FRAS1: variants seen among roughly 807,000 people sequenced by gnomAD.
FRAS1 encodes extracellular matrix organizing protein FRAS1.
In FRAS1, 290 loss-of-function variants were observed where a neutral mutation model predicts 435.2. The observed-to-expected ratio is 0.67, with a 90% CI of 0.61 to 0.73. The LOEUF (loss-of-function observed/expected upper bound fraction) is 0.73, where lower values mean the gene tolerates loss of function less well. Ranked by LOEUF, FRAS1 falls within the 30% of genes least tolerant of loss-of-function variation. FRAS1 has a pLI of 0.00. For missense variants in FRAS1, 4,860 were observed against 5,001.5 expected, an observed-to-expected ratio of 0.97 and a Z score of 0.85; for synonymous variants, 1,800 against 1,851.0, an observed-to-expected ratio of 0.97 and a Z score of 0.71.
At chr4:78,508,597 TA>T in intron 62 of FRAS1, 133 bp from the exon 63 acceptor site, 1 of 883,880 alleles carries the variant, frequency 1.1e-6, no homozygotes, top group Non-Finnish European at 1.7e-6. Context: ...CAAAGAATTA[TA>T]AAAACTTCTC....
chr4:78,375,439 T>G (rs931742273), intron 25 of FRAS1, among the ~76,000 whole-genome samples: 1 of 152,250 alleles, frequency 6.6e-6, no homozygotes, highest in Non-Finnish European at 1.5e-5. Context: ...GAAGCGTACC[T>G]AGAAAGAGTC....
At chr4:78,350,704 T>A in intron 20 of FRAS1, among the ~76,000 whole-genome samples, 1 of 2,354 alleles carries the variant, frequency 4.2e-4, no homozygotes, top group Non-Finnish European at 7.7e-4. Flanking sequence ...TCAAAGCCAC[T>A]CAACTACATG....
intron 2 of FRAS1, among the ~76,000 whole-genome samples, chr4:78,115,118 T>C (rs1394088266): frequency 6.6e-6 from 1 of 151,794 alleles, no homozygotes; most frequent in East Asian, 1.9e-4. Context: ...TCTGTTTATA[T>C]GCTAGATTAC....
Position 78,449,203 on chromosome 4 carries a change from G to A in FRAS1, c.6274+887G>A, listed in dbSNP as rs139711929. 3.4e-3 allele frequency among the ~76,000 whole-genome samples: 525 copies of A among 152,194 alleles called. 1 individual carries two copies. The highest frequency in any genetic ancestry group is 6.2e-3 in the South Asian group (30 of 4,814). On this transcript the variant is annotated intron_variant, in intron 44 of 73. Transcript: ENST00000512123. ...GCATGGGCATCAGCAGGTTTGCATCGGCTCCCTCTGCCATCCCAGTCCCAT... is the reference window on the plus strand; with the variant it reads ...GCATGGGCATCAGCAGGTTTGCATCAGCTCCCTCTGCCATCCCAGTCCCAT...
chr4:78,286,682 TGAG>T (rs1172313731), intron 14 of FRAS1, 143 bp downstream of exon 14: 3 of 748,398 alleles, frequency 4.0e-6, no homozygotes, highest in Middle Eastern at 3.8e-4. Context: ...TCTGATGGGA[TGAG>T]GAGAACAGTG....
intron 35 of FRAS1, 76 bp downstream of exon 35, chr4:78,424,496 A>G (rs1471752): frequency 0.34 from 213,945 of 625,782 alleles, 39,247 homozygotes; most frequent in Admixed American, 0.37. Flanking sequence ...TGTTCCCATC[A>G]TCATTATTTT....
In FRAS1 at chr4:78,117,074, T is replaced by A. The variant is rs567083897; in HGVS notation, c.108+51058T>A. ...TTGTTTGTCTCTAAAGGATTTTATTTCTCCTTCACTTATGAAGCTTAGTTT... is the reference window on the plus strand; with the variant it reads ...TTGTTTGTCTCTAAAGGATTTTATTACTCCTTCACTTATGAAGCTTAGTTT... On this transcript the variant is annotated intron_variant, in intron 2 of 73. Transcript: ENST00000512123. Among the ~76,000 whole-genome samples, 143 of 152,324 alleles carry A rather than the reference T, an allele frequency of 9.4e-4. 2 individuals are homozygous for A. In the Middle Eastern group the frequency reaches 0.01, roughly 11 times the overall value.
chr4:78,479,748 A>G, intron 56 of FRAS1, 30 bp downstream of exon 56: 2 of 1,483,278 alleles, frequency 1.3e-6, no homozygotes, highest in Non-Finnish European at 1.8e-6. Context: ...AGTTTCCTTC[A>G]CCTGTCTCCT....
At chr4:78,364,084 T>G in intron 22 of FRAS1, 30 bp downstream of exon 22, 5 of 1,551,588 alleles carry the variant, frequency 3.2e-6, no homozygotes, top group Non-Finnish European at 4.4e-6. Flanking sequence ...CTTCTCTCCT[T>G]TCCTTCTTTT....
At chr4:78,376,011 A>T in intron 26 of FRAS1, 132 bp downstream of exon 26, 1 of 981,506 alleles carries the variant, frequency 1.0e-6, no homozygotes, top group East Asian at 2.6e-5. Context: ...CCATGGTGCT[A>T]CTAAGGAGTA....
rs1401641451 is a variant in FRAS1 at position 78,544,104 on chromosome 4, C to T, written c.*2980C>T. The T allele has an allele frequency of 6.6e-6, 1 of 152,638 alleles. No homozygotes were observed. The highest frequency in any genetic ancestry group is 2.4e-5 in the African/African-American group (1 of 41,448). 9.5% of individuals were successfully genotyped at this position (152,638 alleles called of 1,614,324 possible). ...ATTTGTTATTCTTGGATACTACACACCTGCTCAGACTGAGTAAACATTTGT... is the reference window on the plus strand; with the variant it reads ...ATTTGTTATTCTTGGATACTACACATCTGCTCAGACTGAGTAAACATTTGT... On this transcript the variant is annotated 3_prime_UTR_variant, in exon 74 of 74. Transcript: ENST00000512123.
intron 26 of FRAS1, among the ~76,000 whole-genome samples, chr4:78,377,407 C>T (rs1731814027): frequency 6.6e-6 from 1 of 152,118 alleles, no homozygotes; most frequent in Non-Finnish European, 1.5e-5. Flanking sequence ...CTCATTAGAG[C>T]GATCTTACAG....
At chr4:78,329,998 G>T (rs1402937026) in intron 18 of FRAS1, among the ~76,000 whole-genome samples, 2 of 152,080 alleles carry the variant, frequency 1.3e-5, no homozygotes, top group South Asian at 4.1e-4. Context: ...TGTCAAAATT[G>T]AGAGAATGAA....
At chr4:78,134,806 G>A (rs1235936904) in intron 2 of FRAS1, among the ~76,000 whole-genome samples, 1 of 152,126 alleles carries the variant, frequency 6.6e-6, no homozygotes, top group Non-Finnish European at 1.5e-5. Flanking sequence ...AGTAGGTGCT[G>A]TTATTTATCC....
intron 2 of FRAS1, among the ~76,000 whole-genome samples, chr4:78,155,059 T>C (rs1392971962): frequency 6.6e-6 from 1 of 152,206 alleles, no homozygotes; most frequent in Non-Finnish European, 1.5e-5. Context: ...TCACACCACT[T>C]CTCTATTATC....
At chr4:78,514,865 GA>G (rs1410092617) in intron 65 of FRAS1, among the ~76,000 whole-genome samples, 1 of 152,012 alleles carries the variant, frequency 6.6e-6, no homozygotes, top group African/African-American at 2.4e-5. Flanking sequence ...TTAGGAGTTT[GA>G]GACCAGCCTG....
intron 2 of FRAS1, chr4:78,181,896 C>T: frequency 6.2e-7 from 1 of 1,611,254 alleles, no homozygotes; most frequent in African/African-American, 1.3e-5. Context: ...GCGCTCTTGG[C>T]CCCAGGGCCC....
chr4:78,334,193 G>A (rs908343343), intron 19 of FRAS1, among the ~76,000 whole-genome samples: 2 of 152,066 alleles, frequency 1.3e-5, no homozygotes, highest in South Asian at 4.2e-4. Flanking sequence ...ATAAATGGGG[G>A]TTTGGGGATA....
At chr4:78,178,733 G>A (rs996594162) in intron 2 of FRAS1, among the ~76,000 whole-genome samples, 3 of 152,140 alleles carry the variant, frequency 2.0e-5, no homozygotes, top group African/African-American at 7.2e-5. Context: ...AGTGACTGGG[G>A]ATTAAACTAA....
Sources: gnomAD v4.1 joint callset for allele counts (sites outside exome capture counted in the v4.1 genomes callset) on GRCh38, gnomAD v4.1.1 for gene constraint, MANE v1.5 for transcripts, NCBI Gene and HGNC (gene_info 2026-07-23, HGNC 2026-07-21) for gene names.